The following NSMCE2 variants were observed in gnomAD, a reference collection of about 807,000 sequenced individuals.
NSMCE2 encodes the protein E3 SUMO-protein ligase NSE2.
In NSMCE2, 24 loss-of-function variants were observed where a neutral mutation model predicts 23.8. The observed-to-expected ratio is 1.01, with a 90% CI of 0.73 to 1.42. NSMCE2 has a LOEUF of 1.42. NSMCE2 is among the 40% of genes most tolerant of loss of function. The probability of loss-of-function intolerance (pLI) is 0.00; values close to 1 mark genes in which losing one functional copy is unlikely to be tolerated. For missense variants in NSMCE2, 284 were observed against 296.5 expected, an observed-to-expected ratio of 0.96 and a Z score of 0.31; for synonymous variants, 92 against 94.1, an observed-to-expected ratio of 0.98 and a Z score of 0.13.
intron 3 of NSMCE2, among the ~76,000 whole-genome samples, chr8:125,114,964 G>C (rs1027351255): frequency 1.3e-5 from 2 of 152,086 alleles, no homozygotes; most frequent in South Asian, 2.1e-4. Context: ...AGCATTCCTC[G>C]TGTTTCCCTT....
chr8:125,217,636 G>A (rs1824659390), intron 5 of NSMCE2, among the ~76,000 whole-genome samples: 1 of 152,094 alleles, frequency 6.6e-6, no homozygotes, highest in Non-Finnish European at 1.5e-5. Context: ...AAAGTGCTGG[G>A]ATTACAGGCG....
At chr8:125,330,178 TTTC>T (rs1261237817) in intron 5 of NSMCE2, among the ~76,000 whole-genome samples, 49 of 31,098 alleles carry the variant, frequency 1.6e-3, no homozygotes, top group Admixed American at 8.1e-3. Context: ...TTCTTTTTTC[TTTC>T]TTTTTTTTTT....
At chr8:125,215,625 A>G (rs1207287779) in intron 5 of NSMCE2, among the ~76,000 whole-genome samples, 8 of 152,172 alleles carry the variant, frequency 5.3e-5, no homozygotes, top group Non-Finnish European at 1.0e-4. Flanking sequence ...TATGTCCTGA[A>G]TGGTAATGCC....
At chr8:125,260,420 C>T (rs1417276580) in intron 5 of NSMCE2, among the ~76,000 whole-genome samples, 2 of 151,774 alleles carry the variant, frequency 1.3e-5, no homozygotes, top group African/African-American at 4.8e-5. Flanking sequence ...TTTTGATTCA[C>T]TGGGGCTATA....
chr8:125,177,413 C>T (rs1298699698), intron 4 of NSMCE2, among the ~76,000 whole-genome samples: 2 of 152,210 alleles, frequency 1.3e-5, no homozygotes, highest in African/African-American at 2.4e-5. Context: ...CTCTCATTCC[C>T]ATGATCTGCT....
At chr8:125,218,528 C>A (rs1034837966) in intron 5 of NSMCE2, among the ~76,000 whole-genome samples, 67 of 151,780 alleles carry the variant, frequency 4.4e-4, no homozygotes, top group Non-Finnish European at 8.7e-4. Context: ...TCTCATGCCT[C>A]AGCCTCCCGA....
At chr8:125,221,579 G>C (rs1013426022) in intron 5 of NSMCE2, among the ~76,000 whole-genome samples, 2 of 152,162 alleles carry the variant, frequency 1.3e-5, no homozygotes, top group African/African-American at 4.8e-5. Context: ...TATAGGTTGC[G>C]TATCACTTAC....
intron 5 of NSMCE2, among the ~76,000 whole-genome samples, chr8:125,259,383 A>C (rs1031740483): frequency 2.0e-5 from 3 of 152,348 alleles, no homozygotes; most frequent in Admixed American, 6.5e-5. Context: ...ACTTTCTGTC[A>C]GATCAGCGGT....
intron 5 of NSMCE2, among the ~76,000 whole-genome samples, chr8:125,356,223 T>C (rs565936906): frequency 3.4e-5 from 5 of 149,082 alleles, no homozygotes; most frequent in Non-Finnish European, 6.0e-5. Context: ...TCATTATGTA[T>C]GTCTGTGTGT....
chr8:125,228,639 A>C (rs868622879), intron 5 of NSMCE2, among the ~76,000 whole-genome samples: 3 of 152,176 alleles, frequency 2.0e-5, no homozygotes, highest in Admixed American at 6.5e-5. Flanking sequence ...GAGGGCTGAG[A>C]GCATATGTCA....
intron 5 of NSMCE2, among the ~76,000 whole-genome samples, chr8:125,250,639 G>A (rs906129198): frequency 1.1e-4 from 17 of 151,766 alleles, no homozygotes; most frequent in African/African-American, 3.6e-4. Flanking sequence ...ACATTTCTTC[G>A]GATTTGTTTT....
chr8:125,331,801 C>G (rs572928084), intron 5 of NSMCE2, among the ~76,000 whole-genome samples: 23 of 152,262 alleles, frequency 1.5e-4, no homozygotes, highest in Admixed American at 3.9e-4. Context: ...ATAGCATGGT[C>G]CACTTCTTGC....
chr8:125,102,086 C>A lies in NSMCE2; in HGVS notation c.-75C>A, dbSNP rs1308598400. On this transcript the variant is annotated 5_prime_UTR_variant, in exon 2 of 8. Coordinates refer to ENST00000287437, the MANE Select transcript of NSMCE2 (RefSeq NM_173685.4). ...TCTTTTGGAAGAGGGTAATCTCTCT[C>A]CAAAAACTGAGGACACTTACCTTCC... 9.8e-6 allele frequency: 4 copies of A among 406,446 alleles called. No homozygotes were observed. The highest frequency in any genetic ancestry group is 1.3e-5 in the Non-Finnish European group (3 of 222,476). The allele number at this position is 406,446 out of a possible 1,614,324, so 25.2% of individuals were successfully genotyped here.
intron 7 of NSMCE2, among the ~76,000 whole-genome samples, 158 bp from the exon 8 acceptor site, chr8:125,366,610 G>C (rs1456757112): frequency 6.6e-6 from 1 of 152,200 alleles, no homozygotes; most frequent in Non-Finnish European, 1.5e-5. Flanking sequence ...GCCTGGCTCA[G>C]GTAGGGACTC....
rs551266201 is a variant in NSMCE2 at position 125,310,575 on chromosome 8, T to C, written c.419-46644T>C. ...CTGTTTCTCATAACTACATTTAAAT[T>C]CCCGGTTACTTTAAGCCCCCTTTTT... On this transcript the variant is annotated intron_variant, in intron 5 of 7. Coordinates refer to ENST00000287437, the MANE Select transcript of NSMCE2 (RefSeq NM_173685.4). 1.4e-4 allele frequency among the ~76,000 whole-genome samples: 22 copies of C among 152,298 alleles called. No homozygotes were observed. In the South Asian group the frequency reaches 1.5e-3, roughly 10 times the overall value.
chr8:125,337,486 C>A (rs916926329), intron 5 of NSMCE2, among the ~76,000 whole-genome samples: 1 of 152,230 alleles, frequency 6.6e-6, no homozygotes, highest in Non-Finnish European at 1.5e-5. Flanking sequence ...AACATGTTTT[C>A]ATCACTTGAA....
chr8:125,130,632 T>C (rs1037889798), intron 3 of NSMCE2, among the ~76,000 whole-genome samples: 23 of 152,322 alleles, frequency 1.5e-4, no homozygotes, highest in Admixed American at 1.1e-3. Flanking sequence ...AGAAAGTGAC[T>C]GCCTCTAAGC....
chr8:125,347,872 A>G (rs1476000484), intron 5 of NSMCE2, among the ~76,000 whole-genome samples: 1 of 152,220 alleles, frequency 6.6e-6, no homozygotes, highest in Non-Finnish European at 1.5e-5. Flanking sequence ...GAGGAAGAAC[A>G]TTGATCAGAA....
chr8:125,235,062 A>T (rs916007079), intron 5 of NSMCE2, among the ~76,000 whole-genome samples: 3 of 152,020 alleles, frequency 2.0e-5, no homozygotes, highest in Non-Finnish European at 4.4e-5. Flanking sequence ...CCTGGCCAAC[A>T]TGGTGAAAAC....
Sources: allele counts gnomAD v4.1 joint callset (sites outside exome capture counted in the v4.1 genomes callset), GRCh38; gene constraint gnomAD v4.1.1; transcripts MANE v1.5; gene names NCBI Gene and HGNC (gene_info 2026-07-23, HGNC 2026-07-21).